CHD9: variants seen among roughly 807,000 people sequenced by gnomAD.
CHD9 encodes chromodomain helicase DNA binding protein 9, also known as ATP-dependent chromatin remodeler CHD9.
A neutral mutation model predicts 316.1 loss-of-function variants in CHD9; 77 were observed. That is an observed-to-expected ratio of 0.24 (90% confidence interval 0.20 to 0.29). The LOEUF (loss-of-function observed/expected upper bound fraction) is 0.29. CHD9 is among the 10% of genes least tolerant of loss of function. The pLI, the probability that CHD9 is intolerant of heterozygous loss-of-function variation, is 1.00. For synonymous variants in CHD9, 1,129 were observed against 1,158.3 expected, an observed-to-expected ratio of 0.97 and a Z score of 0.51; for missense variants, 2,763 against 3,438.1, an observed-to-expected ratio of 0.80 and a Z score of 4.91.
intron 2 of CHD9, among the ~76,000 whole-genome samples, chr16:53,189,394 A>G (rs954906549): frequency 6.6e-6 from 1 of 152,018 alleles, no homozygotes; most frequent in African/African-American, 2.4e-5. Context: ...AAACTTTGTC[A>G]GATTCTTTTT....
chr16:53,074,133 T>G (rs1005806695), intron 1 of CHD9, among the ~76,000 whole-genome samples: 5 of 152,216 alleles, frequency 3.3e-5, no homozygotes, highest in Non-Finnish European at 7.3e-5. Flanking sequence ...CAAAGGTGAC[T>G]CTTCTTTATG....
intron 15 of CHD9, among the ~76,000 whole-genome samples, chr16:53,246,508 G>T (rs1244475724): frequency 1.3e-5 from 2 of 151,570 alleles, no homozygotes; most frequent in Non-Finnish European, 2.9e-5. Flanking sequence ...GTGTTTTTTT[G>T]TTGTTGTTGT....
chr16:53,220,028 A>T (rs1187972418), intron 3 of CHD9, among the ~76,000 whole-genome samples: 1 of 152,224 alleles, frequency 6.6e-6, no homozygotes, highest in Admixed American at 6.5e-5. Context: ...ATGGGGTCTA[A>T]CAGTAAATAT....
At position 53,157,156 on chromosome 16, in the gene CHD9, C is replaced by G. The variant is rs2041575846; in HGVS notation, c.1067C>G (p.Pro356Arg). Residue 356 changes from proline (P) to arginine (R), a missense_variant, in exon 2 of 39, where the codon CCT becomes CGT. Physicochemically the swap from Pro to Arg is moderately radical, Grantham distance 103. This residue lies in a region of CHD9 where 859 missense variants were observed against 890.4 expected (regional missense o/e 0.96). Transcript: ENST00000447540. ...AATTATAGCAATTCAAAATTATCTC[C>G]TGTGCACATGAACTTCCCAGATCCT... ...QGNYSNSKLS[P>R]VHMNFPDPVD... is the part of the protein sequence containing the mutation. 6.2e-7 allele frequency: 1 copy of G among 1,609,466 alleles called. No homozygotes were observed. Among genetic ancestry groups the G allele is most frequent in the African/African-American group, 1.3e-5 (1 of 74,996 alleles).
chr16:53,286,048 A>G (rs1305821929), intron 25 of CHD9, among the ~76,000 whole-genome samples, 178 bp from the exon 26 acceptor site: 2 of 152,342 alleles, frequency 1.3e-5, no homozygotes, highest in Admixed American at 6.5e-5. Context: ...GTAGATATCT[A>G]TTACCAGATC....
chr16:53,077,908 T>C (rs1266332611), intron 1 of CHD9, among the ~76,000 whole-genome samples: 1 of 152,140 alleles, frequency 6.6e-6, no homozygotes, highest in African/African-American at 2.4e-5. Context: ...ATCCCGTCTC[T>C]ACTAAAAATA....
chr16:53,236,012 C>T (rs1238270424), intron 11 of CHD9, among the ~76,000 whole-genome samples: 1 of 152,074 alleles, frequency 6.6e-6, no homozygotes, highest in Non-Finnish European at 1.5e-5. Context: ...CGTGAGTCTT[C>T]TGAATTGTTA....
chr16:53,109,268 T>C (rs55966873), intron 1 of CHD9, among the ~76,000 whole-genome samples: 41,416 of 152,052 alleles, frequency 0.27, 7,070 homozygotes, highest in Non-Finnish European at 0.38. Flanking sequence ...GGCAGGGGTG[T>C]TTGGAGTTGT....
At chr16:53,276,395 T>G (rs1376800104) in intron 24 of CHD9, among the ~76,000 whole-genome samples, 2 of 152,194 alleles carry the variant, frequency 1.3e-5, no homozygotes, top group Non-Finnish European at 2.9e-5. Context: ...TTGTGGCTAG[T>G]CAATTCATAT....
intron 1 of CHD9, among the ~76,000 whole-genome samples, chr16:53,146,421 A>ATGTG (rs1467849366): frequency 1.7e-5 from 2 of 117,382 alleles, no homozygotes; most frequent in African/African-American, 3.7e-5. Flanking sequence ...GTGTGTATGT[A>ATGTG]TATATATATA....
chr16:53,218,445 GTATT>G (rs1478237969), intron 3 of CHD9, among the ~76,000 whole-genome samples: 3 of 152,054 alleles, frequency 2.0e-5, no homozygotes, highest in Non-Finnish European at 4.4e-5. Context: ...TTGGTAGTTA[GTATT>G]TATTTATTAG....
At chr16:53,276,763 C>T (rs1425969402) in intron 24 of CHD9, among the ~76,000 whole-genome samples, 2 of 151,918 alleles carry the variant, frequency 1.3e-5, no homozygotes, top group Non-Finnish European at 2.9e-5. Flanking sequence ...AGTCACTTAA[C>T]AAAGGAAAAA....
intron 1 of CHD9, among the ~76,000 whole-genome samples, chr16:53,060,761 A>G (rs2032777840): frequency 6.6e-6 from 1 of 151,904 alleles, no homozygotes; most frequent in Non-Finnish European, 1.5e-5. Context: ...GTCTCAAAAA[A>G]CAAACGAAAA....
chr16:53,130,902 C>G (rs2039219018), intron 1 of CHD9: 1 of 151,908 alleles, frequency 6.6e-6, no homozygotes, highest in Admixed American at 6.6e-5. Flanking sequence ...CCGGTGCTGC[C>G]GGAGTGCCGC....
rs190120526 is a variant in CHD9 at position 53,077,570 on chromosome 16, G to T, written c.-165+22493G>T. Among the ~76,000 whole-genome samples the T allele has an allele frequency of 2.1e-3, 323 of 152,054 alleles. 3 individuals are homozygous for T. Among genetic ancestry groups the T allele is most frequent in the Admixed American group, 4.3e-3 (65 of 15,256 alleles). ...GCTCTGTCTTCTGACTTCGTGATCC[G>T]CCTGCCTCAGACTCCCAAAATGCTG... On this transcript the variant is annotated intron_variant, in intron 1 of 38. Transcript: ENST00000447540.
intron 3 of CHD9, among the ~76,000 whole-genome samples, chr16:53,217,505 C>T (rs2046856111): frequency 6.6e-6 from 1 of 152,154 alleles, no homozygotes; most frequent in African/African-American, 2.4e-5. Flanking sequence ...CCTTTCTCCT[C>T]GGCTTCCAAA....
chr16:53,216,757 A>G (rs1441328996), intron 3 of CHD9, among the ~76,000 whole-genome samples: 1 of 152,264 alleles, frequency 6.6e-6, no homozygotes, highest in Non-Finnish European at 1.5e-5. Context: ...AGTGGTTCCC[A>G]AACCTGGTAG....
At position 53,156,612 on chromosome 16, in the gene CHD9, A is replaced by G; in HGVS notation, c.523A>G (p.Thr175Ala). The G allele has an allele frequency of 1.2e-6, 2 of 1,614,000 alleles. No individual in the cohort carries two copies. Among genetic ancestry groups the G allele is most frequent in the Non-Finnish European group, 1.7e-6 (2 of 1,179,890 alleles). Residue 175 changes from threonine to alanine, a missense_variant, in exon 2 of 39, where the codon ACT (threonine) becomes GCT (alanine). By Grantham distance (58) the Thr-to-Ala change is moderately conservative. Around this residue, in one of 15 missense-constraint regions of CHD9, gnomAD observed 859 missense variants for 890.4 expected, o/e 0.96. Coordinates refer to ENST00000447540, the MANE Select transcript of CHD9 (RefSeq NM_001308319.2). ...GGCCAATGAACAACAAACACAGTGT[A>G]CTTCACTACGCTCACAACAAAACAG... ...FQANEQQTQC[T>A]SLRSQQNRNN...
intron 7 of CHD9, among the ~76,000 whole-genome samples, chr16:53,228,188 C>T (rs1265503320): frequency 2.6e-5 from 4 of 151,908 alleles, no homozygotes; most frequent in African/African-American, 9.7e-5. Context: ...TTATAGACAG[C>T]ATTCATTGTA....
Sources: gnomAD v4.1 joint callset for allele counts (sites outside exome capture counted in the v4.1 genomes callset) on GRCh38, gnomAD v4.1.1 for gene constraint, gnomAD v4.1.1 regional missense constraint, MANE v1.5 for transcripts, NCBI Gene and HGNC (gene_info 2026-07-23, HGNC 2026-07-21) for gene names.